Variants in PTAFR observed in about 807,000 individuals in gnomAD.
PTAFR encodes the protein platelet activating factor receptor.
A neutral mutation model predicts 14.7 loss-of-function variants in PTAFR; 8 were observed. The observed-to-expected ratio is 0.54, with a 90% confidence interval of 0.32 to 0.98. The LOEUF is 0.98. Among genes scored for constraint, PTAFR ranks in the 50% least tolerant of loss-of-function variants. The pLI, the probability that PTAFR is intolerant of heterozygous loss-of-function variation, is 0.04. For synonymous variants in PTAFR, 156 were observed against 176.5 expected (o/e 0.88, Z 0.92); for missense variants, 337 against 451.2 (o/e 0.75, Z 2.29).
rs898630796 is a variant in PTAFR, at chr1:28,149,817, G to A, written c.*176C>T. On this transcript the variant is annotated 3_prime_UTR_variant, in exon 2 of 2. Coordinates refer to ENST00000373857, the MANE Select transcript of PTAFR (RefSeq NM_000952.5). Reference sequence around the variant, plus strand: ...GGATGAAGGGGCTCATTTGAGTTCTGGATTTTCCAACAGCCTGGCTCTGCC... The same window carrying A: ...GGATGAAGGGGCTCATTTGAGTTCTAGATTTTCCAACAGCCTGGCTCTGCC... 2 of 807,876 alleles carry A rather than the reference G, an allele frequency of 2.5e-6. No individual in the cohort carries two copies. The highest frequency in any genetic ancestry group is 5.3e-5 in the East Asian group (2 of 37,458). The allele number at this position is 807,876 out of a possible 1,614,324, so 50.0% of individuals were successfully genotyped here.
intron 1 of PTAFR, among the ~76,000 whole-genome samples, chr1:28,173,494 C>T (rs1646476362): frequency 6.6e-6 from 1 of 151,578 alleles, no homozygotes; most frequent in Non-Finnish European, 1.5e-5. Context: ...AAAACAAAAA[C>T]ACAAAAATTA....
intron 1 of PTAFR, among the ~76,000 whole-genome samples, chr1:28,156,068 C>A (rs1361449428): frequency 4.6e-5 from 7 of 151,892 alleles, no homozygotes; most frequent in Non-Finnish European, 1.0e-4. Context: ...TCGAGACCAG[C>A]CTGGCCAACA....
At chr1:28,156,606 C>A (rs943337579) in intron 1 of PTAFR, among the ~76,000 whole-genome samples, 1 of 152,124 alleles carries the variant, frequency 6.6e-6, no homozygotes, top group African/African-American at 2.4e-5. Context: ...TCTAAGTTTT[C>A]ATTTTTAATA....
At chr1:28,169,587 C>T (rs187276001) in intron 1 of PTAFR, among the ~76,000 whole-genome samples, 24 of 152,212 alleles carry the variant, frequency 1.6e-4, no homozygotes, top group African/African-American at 5.3e-4. Context: ...TACCACAGAA[C>T]CACAGCCAAG....
intron 1 of PTAFR, among the ~76,000 whole-genome samples, chr1:28,157,813 G>T (rs1044838717): frequency 6.6e-6 from 1 of 151,578 alleles, no homozygotes; most frequent in African/African-American, 2.4e-5. Context: ...TGTATTTTTG[G>T]TAGAGATGGG....
In PTAFR at chr1:28,150,795, T is replaced by C. The variant is rs1048728014; in HGVS notation, c.227A>G (p.Tyr76Cys). 1 of 1,614,106 alleles carries C rather than the reference T, an allele frequency of 6.2e-7. No homozygotes were observed. Among genetic ancestry groups the C allele is most frequent in the Non-Finnish European group, 8.5e-7 (1 of 1,180,026 alleles). ...TATCCAGTTGCCCTGGTTTTGGTAG[T>C]AGACAATCCAAAGTGGCAGGGTGAT... ...FLITLPLWIV[Y>C]YQNQGNWILP... Residue 76 changes from tyrosine (Y) to cysteine (C), a missense_variant, in exon 2 of 2, where the codon TAC becomes TGC. Physicochemically the swap from Tyr to Cys is radical, Grantham distance 194. Coordinates refer to ENST00000373857, the MANE Select transcript of PTAFR (RefSeq NM_000952.5). This position sits in a 1 kb window ranked among gnomAD's most constrained non-coding sequence, Gnocchi z 6.3.
Position 28,156,929 on chromosome 1 carries a change from G to A in PTAFR, c.-38-5870C>T, listed in dbSNP as rs113095301. On this transcript the variant is annotated intron_variant, in intron 1 of 1. Transcript: ENST00000373857. The stretch of plus-strand genomic sequence containing the variant: ...CATGGTGCTCATTCTGGGTCTTGGG[G>A]GCAGTCAGGTCCGCACCTCCCTGCT... 6.6e-3 allele frequency among the ~76,000 whole-genome samples: 1,004 copies of A among 152,160 alleles called. 12 individuals carry two copies. The highest frequency in any genetic ancestry group is 0.02 in the African/African-American group (851 of 41,526).
chr1:28,168,935 T>TCCCAAA (rs1646422475), intron 1 of PTAFR, among the ~76,000 whole-genome samples: 2 of 152,054 alleles, frequency 1.3e-5, no homozygotes, highest in South Asian at 4.1e-4. Flanking sequence ...CCCAAAGTGC[T>TCCCAAA]GGGATTACCA....
Position 28,150,437 on chromosome 1 carries a change from G to A in PTAFR, c.585C>T (p.Phe195=), listed in dbSNP as rs1343677883. The change falls in exon 2 of 2, where the codon TTC becomes TTT. Residue 195 remains phenylalanine (F), a synonymous_variant. Coordinates refer to ENST00000373857, the MANE Select transcript of PTAFR (RefSeq NM_000952.5). The surrounding 1 kb of genome is among the most constrained non-coding windows in gnomAD (Gnocchi z 6.3). ...LIIHIFIVFS[F]FLVFLIILFC... ...AGAGGATGATGAGGAAGACCAGGAA[G>A]AAGCTGAACACGATGAAGATGTGGA... is the stretch of plus-strand genomic sequence containing the variant. 6 of 1,614,158 alleles carry A rather than the reference G, an allele frequency of 3.7e-6. No homozygotes were observed. The highest frequency in any genetic ancestry group is 1.6e-4 in the Middle Eastern group (1 of 6,062).
chr1:28,187,481 A>G (rs1646616391), intron 1 of PTAFR, among the ~76,000 whole-genome samples: 1 of 152,202 alleles, frequency 6.6e-6, no homozygotes, highest in Non-Finnish European at 1.5e-5. Flanking sequence ...ATAGAGTTGA[A>G]TATCTTTATG....
chr1:28,184,141 G>A (rs542643019), intron 1 of PTAFR, among the ~76,000 whole-genome samples: 1 of 135,826 alleles, frequency 7.4e-6, no homozygotes, highest in Non-Finnish European at 1.5e-5. Flanking sequence ...CACCCAGGCT[G>A]GAGTGCAGTA....
intron 1 of PTAFR, among the ~76,000 whole-genome samples, chr1:28,185,074 C>T (rs755411819): frequency 1.3e-5 from 2 of 152,154 alleles, no homozygotes; most frequent in African/African-American, 2.4e-5. Context: ...TGCAGCCATC[C>T]CCCCACATTC....
rs531753677 is a variant in PTAFR, at chr1:28,149,808, T to C, written c.*185A>G. 47 of 722,004 alleles carry C rather than the reference T, an allele frequency of 6.5e-5. No homozygotes were observed. In the African/African-American group the frequency reaches 7.1e-4, roughly 11 times the overall value. 44.7% of individuals were successfully genotyped at this position (722,004 alleles called of 1,614,324 possible). A position where few individuals can be genotyped will look rare whatever the true frequency, so the allele number is the denominator to read the frequency against. ...CCCACAGGCGGATGAAGGGGCTCAT[T>C]TGAGTTCTGGATTTTCCAACAGCCT... On this transcript the variant is annotated 3_prime_UTR_variant, in exon 2 of 2. Transcript: ENST00000373857.
In PTAFR at chr1:28,150,202, C is replaced by T. The variant is rs140866472; in HGVS notation, c.820G>A (p.Ala274Thr). The T allele has an allele frequency of 7.0e-4, 1,124 of 1,614,012 alleles. 9 individuals are homozygous for T. In the African/African-American group the frequency reaches 0.014, roughly 20 times the overall value. The change falls in exon 2 of 2, where the codon GCA becomes ACA. Residue 274 changes from alanine (A) to threonine (T), a missense_variant. Transcript: ENST00000373857. The surrounding 1 kb of genome is among the most constrained non-coding windows in gnomAD (Gnocchi z 6.3). ...DSKFHQAINDAHQVTLCLLST... is the reference protein window; with the variant it reads ...DSKFHQAINDTHQVTLCLLST... ...AGGAGGCAGAGGGTGACCTGATGTG[C>T]ATCATTAATGGCCTGGTGGAATTTG...
intron 1 of PTAFR, among the ~76,000 whole-genome samples, chr1:28,176,212 G>A (rs1340107035): frequency 6.6e-6 from 1 of 152,098 alleles, no homozygotes; most frequent in East Asian, 1.9e-4. Context: ...GGAGGCCGAG[G>A]CAGGCTGATT....
chr1:28,159,590 C>A (rs1006387104), intron 1 of PTAFR, among the ~76,000 whole-genome samples: 4 of 152,070 alleles, frequency 2.6e-5, no homozygotes, highest in Non-Finnish European at 4.4e-5. Flanking sequence ...GTAATCCCAG[C>A]ACTTTGGGAG....
intron 1 of PTAFR, among the ~76,000 whole-genome samples, chr1:28,155,883 G>A (rs780568043): frequency 5.3e-5 from 8 of 151,622 alleles, no homozygotes; most frequent in Non-Finnish European, 7.4e-5. Flanking sequence ...GTAAAACAAC[G>A]AAAAAGTCCA....
chr1:28,161,936 A>G (rs1646328411), intron 1 of PTAFR, among the ~76,000 whole-genome samples: 1 of 152,216 alleles, frequency 6.6e-6, no homozygotes, highest in African/African-American at 2.4e-5. Context: ...AGAGAGTATC[A>G]TGTGCAAAGG....
At chr1:28,177,662 C>T (rs1646529019), upstream of PTAFR, among the ~76,000 whole-genome samples, 1 of 152,076 alleles carries the variant, frequency 6.6e-6, no homozygotes, top group African/African-American at 2.4e-5. Flanking sequence ...TTGTGAGGTC[C>T]TTTAATCTAT....
Sources: gnomAD v4.1 joint callset for allele counts (sites outside exome capture counted in the v4.1 genomes callset) on GRCh38, gnomAD v4.1.1 for gene constraint, Gnocchi (gnomAD v3.1) non-coding constraint, MANE v1.5 for transcripts, NCBI Gene and HGNC (gene_info 2026-07-23, HGNC 2026-07-21) for gene names.